Variants in CTNND2 observed in about 807,000 individuals in gnomAD.
CTNND2 encodes the protein catenin delta 2.
CTNND2 carries 22 observed loss-of-function variants against 144.4 expected under a neutral mutation model. The ratio of observed to expected loss-of-function variants is 0.15; its 90% CI spans 0.11 to 0.22. The LOEUF is 0.22. Among genes scored for constraint, CTNND2 ranks in the 10% least tolerant of loss-of-function variants. CTNND2 has a pLI of 1.00. For missense variants in CTNND2, 1,353 were observed against 1,618.8 expected (o/e 0.84, Z 2.82); for synonymous variants, 751 against 695.6 (o/e 1.08, Z -1.25).
At chr5:11,627,342 C>A (rs1046275446) in intron 2 of CTNND2, among the ~76,000 whole-genome samples, 5 of 152,182 alleles carry the variant, frequency 3.3e-5, no homozygotes, top group Non-Finnish European at 7.4e-5. Context: ...AGCAGTTCTT[C>A]AGTGGCTCCA....
At chr5:11,504,002 G>A (rs756005467) in intron 3 of CTNND2, among the ~76,000 whole-genome samples, 2 of 152,186 alleles carry the variant, frequency 1.3e-5, no homozygotes, top group African/African-American at 2.4e-5. Flanking sequence ...TTCCATTTAA[G>A]TGGCTTTACT....
intron 3 of CTNND2, among the ~76,000 whole-genome samples, chr5:11,522,205 G>T (rs568259234): frequency 6.6e-6 from 1 of 152,326 alleles, no homozygotes; most frequent in Admixed American, 6.5e-5. Flanking sequence ...TTAGAAGAAA[G>T]ATTGTAAATT....
intron 1 of CTNND2, among the ~76,000 whole-genome samples, chr5:11,790,829 C>T (rs183660723): frequency 6.6e-6 from 1 of 152,220 alleles, no homozygotes; most frequent in Admixed American, 6.5e-5. Flanking sequence ...GGTCAGGAGC[C>T]CACATAGCAA....
intron 6 of CTNND2, among the ~76,000 whole-genome samples, chr5:11,387,083 T>G (rs1340580861): frequency 6.6e-6 from 1 of 151,722 alleles, no homozygotes; most frequent in Non-Finnish European, 1.5e-5. Context: ...ACTCATGACT[T>G]ACCATTGCTA....
At chr5:11,213,800 C>T (rs548882628) in intron 10 of CTNND2, among the ~76,000 whole-genome samples, 18 of 149,684 alleles carry the variant, frequency 1.2e-4, no homozygotes, top group Middle Eastern at 6.8e-3. Flanking sequence ...TACACGCATG[C>T]CGATAATTTT....
chr5:11,447,076 C>G (rs919143172), intron 3 of CTNND2, among the ~76,000 whole-genome samples: 3 of 152,082 alleles, frequency 2.0e-5, no homozygotes, highest in Non-Finnish European at 4.4e-5. Flanking sequence ...CAACAAAAGT[C>G]CCTTCTATAA....
At chr5:11,237,539 C>T (rs902315002) in intron 9 of CTNND2, among the ~76,000 whole-genome samples, 1 of 152,002 alleles carries the variant, frequency 6.6e-6, no homozygotes, top group East Asian at 1.9e-4. Flanking sequence ...CTTACTGTGT[C>T]ACCCAGGCTG....
intron 2 of CTNND2, among the ~76,000 whole-genome samples, chr5:11,584,240 C>A (rs1386316030): frequency 6.6e-6 from 1 of 152,142 alleles, no homozygotes; most frequent in Admixed American, 6.5e-5. Flanking sequence ...TAACCATCTT[C>A]AGAGTTGCTC....
chr5:11,873,994 T>C (rs982428729), intron 1 of CTNND2, among the ~76,000 whole-genome samples: 2 of 152,180 alleles, frequency 1.3e-5, no homozygotes, highest in Non-Finnish European at 2.9e-5. Flanking sequence ...GGAAATCAAG[T>C]GCCCTCACAA....
chr5:11,760,750 C>T (rs1789210724), intron 1 of CTNND2, among the ~76,000 whole-genome samples: 1 of 151,832 alleles, frequency 6.6e-6, no homozygotes, highest in African/African-American at 2.4e-5. Context: ...AGTTAGTGAA[C>T]ACATGTACAA....
At chr5:11,403,870 G>GC (rs1335206872) in intron 5 of CTNND2, among the ~76,000 whole-genome samples, 2 of 152,146 alleles carry the variant, frequency 1.3e-5, no homozygotes, top group Non-Finnish European at 2.9e-5. Flanking sequence ...TCACACATTT[G>GC]CCCCCCGTTG....
chr5:11,670,105 G>C (rs1406470028), intron 2 of CTNND2, among the ~76,000 whole-genome samples: 3 of 152,162 alleles, frequency 2.0e-5, no homozygotes, highest in Non-Finnish European at 2.9e-5. Context: ...TTGCACTGCG[G>C]TCTGAGTAAC....
intron 18 of CTNND2, among the ~76,000 whole-genome samples, chr5:11,001,310 G>A (rs953939567): frequency 1.3e-5 from 2 of 152,148 alleles, no homozygotes; most frequent in African/African-American, 4.8e-5. Flanking sequence ...TGCCACCCTG[G>A]TTTGGGGGGA....
chr5:11,879,806 A>T (rs1313598221), intron 1 of CTNND2, among the ~76,000 whole-genome samples: 1 of 152,194 alleles, frequency 6.6e-6, no homozygotes, highest in Non-Finnish European at 1.5e-5. Flanking sequence ...TGATGTGGGT[A>T]GGGCTGTTCT....
chr5:11,050,000 G>A (rs962073747), intron 16 of CTNND2, among the ~76,000 whole-genome samples: 1 of 152,164 alleles, frequency 6.6e-6, no homozygotes, highest in African/African-American at 2.4e-5. Context: ...TTCAGTGAAG[G>A]AGTCTAGCAA....
At chr5:11,823,929 G>A (rs556668847) in intron 1 of CTNND2, among the ~76,000 whole-genome samples, 9 of 152,078 alleles carry the variant, frequency 5.9e-5, no homozygotes, top group Non-Finnish European at 8.8e-5. Context: ...CCAACATGGT[G>A]AAACCGTGTC....
intron 10 of CTNND2, among the ~76,000 whole-genome samples, chr5:11,229,820 C>CAT (rs1050197730): frequency 6.6e-5 from 10 of 151,312 alleles, no homozygotes; most frequent in Admixed American, 4.6e-4. Flanking sequence ...CATATATATA[C>CAT]ATATATATAC....
intron 2 of CTNND2, among the ~76,000 whole-genome samples, chr5:11,623,773 A>G (rs1780979845): frequency 7.0e-6 from 1 of 142,648 alleles, no homozygotes; most frequent in African/African-American, 2.6e-5. Flanking sequence ...TTCAAGAAGA[A>G]GACCTAACTA....
rs373367174 is a variant in CTNND2, at chr5:11,270,721, C to G, written c.1629-33898G>C. On this transcript the variant is annotated intron_variant, in intron 9 of 21. Transcript: ENST00000304623. ...TACTTCTAGGCTATGTCTCTTAATA[C>G]TTCCTTTGGTTGGCATTATTGGATT... Among the ~76,000 whole-genome samples the G allele has an allele frequency of 3.9e-5, 6 of 152,272 alleles. No individual in the cohort carries two copies. The South Asian group carries it at 1.2e-3, about 32-fold the overall frequency.
Sources: gnomAD v4.1 joint callset for allele counts (sites outside exome capture counted in the v4.1 genomes callset) on GRCh38, gnomAD v4.1.1 for gene constraint, MANE v1.5 for transcripts, NCBI Gene and HGNC (gene_info 2026-07-23, HGNC 2026-07-21) for gene names.